Variants in NEK11 observed in about 807,000 individuals in gnomAD.
The protein encoded by NEK11 is NIMA related kinase 11, also known as serine/threonine-protein kinase Nek11.
Under a neutral mutation model 80.7 loss-of-function variants are expected in NEK11, and 72 were observed. The observed-to-expected ratio is 0.89, with a 90% confidence interval of 0.74 to 1.08. The LOEUF (loss-of-function observed/expected upper bound fraction) is 1.08, where lower values mean the gene tolerates loss of function less well. Ranked by LOEUF, NEK11 falls within the 50% of genes least tolerant of loss-of-function variation. The pLI is 0.00. For missense variants in NEK11, 764 were observed against 763.6 expected (o/e 1.00, Z -0.01); for synonymous variants, 251 against 260.7 (o/e 0.96, Z 0.36).
chr3:131,085,587 G>A (rs1038784047), intron 4 of NEK11, among the ~76,000 whole-genome samples: 1 of 152,052 alleles, frequency 6.6e-6, no homozygotes, highest in Admixed American at 6.6e-5. Context: ...ATTTGAGTTC[G>A]CAGTACGGGA....
chr3:131,110,923 T>C (rs2149356404), intron 5 of NEK11, among the ~76,000 whole-genome samples: 1 of 152,296 alleles, frequency 6.6e-6, no homozygotes, highest in Non-Finnish European at 1.5e-5. Flanking sequence ...TCAAACTATC[T>C]TTAGAAATCT....
intron 14 of NEK11, among the ~76,000 whole-genome samples, chr3:131,182,315 C>T (rs915372263): frequency 2.0e-5 from 3 of 152,124 alleles, no homozygotes; most frequent in South Asian, 2.1e-4. Flanking sequence ...CCAAAATGAT[C>T]GTTGCATTTC....
chr3:131,127,659 T>C (rs2149530678), intron 5 of NEK11, among the ~76,000 whole-genome samples: 1 of 151,140 alleles, frequency 6.6e-6, no homozygotes, highest in South Asian at 2.1e-4. Context: ...TTTTGGTTTT[T>C]AATCATTTGA....
intron 16 of NEK11, among the ~76,000 whole-genome samples, chr3:131,245,801 GT>G: frequency 6.6e-6 from 1 of 151,830 alleles, no homozygotes; most frequent in East Asian, 1.9e-4. Context: ...GTTAGTTGGG[GT>G]TTTTTTGTTT....
chr3:131,133,538 T>G (rs771925454), intron 6 of NEK11, among the ~76,000 whole-genome samples: 2 of 152,174 alleles, frequency 1.3e-5, no homozygotes, highest in Admixed American at 1.3e-4. Context: ...TATTCAGACT[T>G]TAAATAGCTT....
chr3:131,069,608 A>C (rs373614378), intron 3 of NEK11, among the ~76,000 whole-genome samples: 6 of 152,064 alleles, frequency 3.9e-5, no homozygotes, highest in Non-Finnish European at 8.8e-5. Context: ...CTGGATTAAG[A>C]AAATGTGGCA....
intron 17 of NEK11, among the ~76,000 whole-genome samples, chr3:131,317,335 A>G (rs2096850665): frequency 6.6e-6 from 1 of 152,190 alleles, no homozygotes; most frequent in African/African-American, 2.4e-5. Context: ...AAGCATTGGT[A>G]TGAGTGCAGC....
In NEK11 at chr3:131,297,714, T is replaced by C. The variant is rs903400095; in HGVS notation, c.1718+24140T>C. Among the ~76,000 whole-genome samples, 23 of 151,084 alleles carry C rather than the reference T, an allele frequency of 1.5e-4. 1 individual carries two copies. Among genetic ancestry groups the C allele is most frequent in the Non-Finnish European group, 2.5e-4 (17 of 67,934 alleles). On this transcript the variant is annotated intron_variant, in intron 17 of 17. Transcript: ENST00000383366. ...TGGCTTTTGTTGCCATTGCTTTTGG[T>C]GTTTTAGACATGAAGTCCTTGCCCA...
chr3:131,315,495 G>GTA, intron 17 of NEK11, among the ~76,000 whole-genome samples: 1 of 148,758 alleles, frequency 6.7e-6, no homozygotes, highest in South Asian at 2.1e-4. Context: ...GTGTGTGTGT[G>GTA]TATTCATCCA....
intron 14 of NEK11, among the ~76,000 whole-genome samples, chr3:131,196,793 A>G (rs1307246595): frequency 2.0e-5 from 3 of 151,080 alleles, no homozygotes; most frequent in African/African-American, 7.3e-5. Flanking sequence ...AAGTGCTGGG[A>G]TTACAGGTGT....
chr3:131,077,334 TGA>T (rs752376693), intron 3 of NEK11, among the ~76,000 whole-genome samples: 6 of 152,164 alleles, frequency 3.9e-5, no homozygotes, highest in Non-Finnish European at 7.3e-5. Context: ...TGATATGCAA[TGA>T]GAGTTTCCTC....
chr3:131,184,565 G>C (rs553229836), intron 14 of NEK11: 1 of 298,962 alleles, frequency 3.3e-6, no homozygotes, highest in Non-Finnish European at 6.2e-6. Flanking sequence ...GAACACGAAT[G>C]CTTTTTATCT....
At chr3:131,316,109 A>AATAT (rs2096836990) in intron 17 of NEK11, among the ~76,000 whole-genome samples, 2 of 152,194 alleles carry the variant, frequency 1.3e-5, no homozygotes, top group Admixed American at 6.5e-5. Context: ...GGTTACTATA[A>AATAT]ACATATGATT....
chr3:131,150,563 T>A (rs890624532), intron 7 of NEK11, among the ~76,000 whole-genome samples: 3 of 152,064 alleles, frequency 2.0e-5, no homozygotes, highest in Admixed American at 2.0e-4. Flanking sequence ...ATGGTTTTTC[T>A]ATCAACCTCT....
intron 16 of NEK11, among the ~76,000 whole-genome samples, chr3:131,251,045 G>T (rs1419845551): frequency 2.0e-5 from 3 of 151,882 alleles, no homozygotes; most frequent in African/African-American, 7.2e-5. Flanking sequence ...GTGTATGTGT[G>T]CATCTGTGTG....
intron 17 of NEK11, among the ~76,000 whole-genome samples, chr3:131,345,846 T>A (rs1349084680): frequency 1.3e-5 from 2 of 152,144 alleles, no homozygotes; most frequent in African/African-American, 4.8e-5. Flanking sequence ...TTATTCAGCC[T>A]TATAAAAGGA....
chr3:131,109,087 G>A (rs2079652946), intron 4 of NEK11, among the ~76,000 whole-genome samples: 1 of 151,966 alleles, frequency 6.6e-6, no homozygotes, highest in Non-Finnish European at 1.5e-5. Context: ...TGCATATATA[G>A]GTAATATAAT....
At chr3:131,232,401 G>C (rs1405814491) in intron 15 of NEK11, among the ~76,000 whole-genome samples, 1 of 152,186 alleles carries the variant, frequency 6.6e-6, no homozygotes, top group African/African-American at 2.4e-5. Context: ...AAATGGCTCA[G>C]ATGCATCCAG....
intron 14 of NEK11, among the ~76,000 whole-genome samples, chr3:131,213,591 C>G (rs1334326868): frequency 2.6e-5 from 4 of 152,106 alleles, no homozygotes; most frequent in Non-Finnish European, 5.9e-5. Flanking sequence ...CTGTGGTGGT[C>G]TTAGTTAGAA....
Sources: gnomAD v4.1 joint callset for allele counts (sites outside exome capture counted in the v4.1 genomes callset) on GRCh38, gnomAD v4.1.1 for gene constraint, MANE v1.5 for transcripts, NCBI Gene and HGNC (gene_info 2026-07-23, HGNC 2026-07-21) for gene names.